The following SLC4A9 variants were observed in gnomAD, a reference collection of about 807,000 sequenced individuals.
SLC4A9 encodes solute carrier family 4 member 9, also known as anion exchange protein 4.
A neutral mutation model predicts 103.2 loss-of-function variants in SLC4A9; 102 were observed. The ratio of observed to expected loss-of-function variants is 0.99; its 90% confidence interval spans 0.84 to 1.17. SLC4A9 has a LOEUF of 1.17. SLC4A9 is among the 50% of genes most tolerant of loss of function. SLC4A9 has a pLI of 0.00. For missense variants in SLC4A9, 1,091 were observed against 1,193.7 expected (o/e 0.91, Z 1.27); for synonymous variants, 453 against 483.6 (o/e 0.94, Z 0.83).
intron 20 of SLC4A9, 108 bp downstream of exon 20, chr5:140,372,505 T>A: frequency 6.6e-7 from 1 of 1,520,446 alleles, no homozygotes; most frequent in Non-Finnish European, 8.8e-7. Context: ...GCAGATCTGA[T>A]CAACAGTCAC....
chr5:140,368,045 A>T (rs776628140), intron 16 of SLC4A9, 147 bp downstream of exon 16: 2 of 801,826 alleles, frequency 2.5e-6, no homozygotes, highest in Non-Finnish European at 4.0e-6. Context: ...CTGGGCTCTG[A>T]GATGGGTGAG....
rs1387346355 is a variant in SLC4A9, at chr5:140,363,549, C to G, written c.1073C>G (p.Thr358Ser). The G allele has an allele frequency of 6.4e-7, 1 of 1,552,432 alleles. No homozygotes were observed. Among genetic ancestry groups the G allele is most frequent in the South Asian group, 1.2e-5 (1 of 84,210 alleles). Residue 358 changes from threonine (T) to serine (S), a missense_variant, in exon 8 of 22, where the codon ACC becomes AGC. Physicochemically the swap from Thr to Ser is moderately conservative, Grantham distance 58 (BLOSUM62 1). Coordinates refer to ENST00000506757, the MANE Select transcript of SLC4A9 (RefSeq NM_031467.3). This position sits in a 1 kb window ranked among gnomAD's most constrained non-coding sequence, Gnocchi z 4.5. ...GCACACAGCCCGGAGTTGCAGCGGACCGGCAGGTGAGGCGAGCTGGGAGGA... is the reference window on the plus strand; with the variant it reads ...GCACACAGCCCGGAGTTGCAGCGGAGCGGCAGGTGAGGCGAGCTGGGAGGA... ...PHAHSPELQR[T>S]GRLFGGLIQD...
rs1767876368 is a variant in SLC4A9 at position 140,366,285 on chromosome 5, T to C, written c.2013+21T>C. 3.2e-6 allele frequency: 5 copies of C among 1,543,262 alleles called. No individual in the cohort carries two copies. The East Asian group carries it at 9.5e-5, about 29-fold the overall frequency. Reference sequence around the variant, plus strand: ...TCAAGGTGAGAGCCAGGGAAGAGGGTTGGGGGACCAGAGGGGAAAGCAGGG... The same window carrying C: ...TCAAGGTGAGAGCCAGGGAAGAGGGCTGGGGGACCAGAGGGGAAAGCAGGG... On this transcript the variant is annotated intron_variant, in intron 14 of 21. Transcript: ENST00000506757.
chr5:140,367,002 G>A (rs1000980817), intron 14 of SLC4A9, among the ~76,000 whole-genome samples: 2 of 152,184 alleles, frequency 1.3e-5, no homozygotes, highest in Non-Finnish European at 2.9e-5. Flanking sequence ...CAACACATAT[G>A]CTTGTAATCA....
chr5:140,367,810 ACT>A lies in SLC4A9; in HGVS notation c.2267_2268del (p.Thr756SerfsTer79). ...ALGLPWYVSA[T>X]VISLAHMDSL... ...TGGACTGCCTTGGTATGTCTCAGCC[ACT>A]GTCATCTCCCTGGCTCACATGGACA... On this transcript the variant is annotated frameshift_variant, in exon 16 of 22. Transcript: ENST00000506757. LOFTEE classifies it high-confidence loss of function. 6.2e-7 allele frequency: 1 copy of A among 1,613,968 alleles called. No individual in the cohort carries two copies. Among genetic ancestry groups the A allele is most frequent in the Non-Finnish European group, 8.5e-7 (1 of 1,179,884 alleles).
At chr5:140,373,580 AG>A (rs1769050000) in intron 21 of SLC4A9, among the ~76,000 whole-genome samples, 1 of 152,088 alleles carries the variant, frequency 6.6e-6, no homozygotes, top group Non-Finnish European at 1.5e-5. Context: ...CATTTCTAAG[AG>A]GAAATGGTCC....
In SLC4A9 at chr5:140,361,267, G is replaced by C; in HGVS notation, c.405G>C (p.Arg135Ser). The change falls in exon 3 of 22, where the codon AGG becomes AGC. Residue 135 changes from arginine to serine, a missense_variant. By Grantham distance (110) the Arg-to-Ser change is moderately radical (BLOSUM62 -1). Coordinates refer to ENST00000506757, the MANE Select transcript of SLC4A9 (RefSeq NM_031467.3). ...TCCATTCTCCAGAGCAGGTGACCAG[G>C]GTGGAGTCGCTGAGCCCAGAGCTGA... ...SLLELVEQVT[R>S]VESLSPELRG... 1 of 1,565,466 alleles carries C rather than the reference G, an allele frequency of 6.4e-7. No homozygotes were observed. The highest frequency in any genetic ancestry group is 8.7e-7 in the Non-Finnish European group (1 of 1,154,822).
At position 140,367,484 on chromosome 5, in the gene SLC4A9, T is replaced by G; in HGVS notation, c.2078T>G (p.Val693Gly). Residue 693 changes from valine (V) to glycine (G), a missense_variant, in exon 15 of 22, where the codon GTG (valine) becomes GGG (glycine). Val to Gly is a moderately radical substitution (Grantham distance 109, BLOSUM62 -3). Transcript: ENST00000506757. ...GGAGCCAACCCCTGGTGGTGGAGTG[T>G]GGCAGCTGCCCTGCCTGCCCTGCTG... ...PFGANPWWWS[V>G]AAALPALLLS... 1.2e-6 allele frequency: 2 copies of G among 1,607,166 alleles called. No individual in the cohort carries two copies. Among genetic ancestry groups the G allele is most frequent in the South Asian group, 2.2e-5 (2 of 89,642 alleles).
At chr5:140,362,723 G>A (rs745523844) in intron 6 of SLC4A9, among the ~76,000 whole-genome samples, 189 bp from the exon 7 acceptor site, 2 of 152,164 alleles carry the variant, frequency 1.3e-5, no homozygotes, top group African/African-American at 4.8e-5. Flanking sequence ...CCCCATTACT[G>A]GATGAGTGCT....
chr5:140,365,174 C>T (rs1767697487), intron 11 of SLC4A9, among the ~76,000 whole-genome samples: 1 of 152,224 alleles, frequency 6.6e-6, no homozygotes, highest in African/African-American at 2.4e-5. Flanking sequence ...GAAGAAGTGG[C>T]CTCTCTATAT....
intron 5 of SLC4A9, 89 bp downstream of exon 5, chr5:140,362,263 T>C: frequency 7.2e-7 from 1 of 1,382,868 alleles, no homozygotes; most frequent in Non-Finnish European, 9.7e-7. Flanking sequence ...AGTCTGATTC[T>C]CTGAGGCTGT....
intron 16 of SLC4A9, 58 bp downstream of exon 16, chr5:140,367,956 G>A (rs760904556): frequency 2.3e-4 from 358 of 1,572,030 alleles, no homozygotes; most frequent in Non-Finnish European, 2.9e-4. Flanking sequence ...AGGCAAAGGG[G>A]AACATGGCAG....
intron 19 of SLC4A9, 77 bp downstream of exon 19, chr5:140,371,701 C>CTGG: frequency 6.6e-7 from 1 of 1,507,232 alleles, no homozygotes; most frequent in Non-Finnish European, 9.1e-7. Flanking sequence ...CCAAGGCCTC[C>CTGG]ACGAGAGGAA....
intron 3 of SLC4A9, 32 bp downstream of exon 3, chr5:140,361,399 A>G: frequency 6.6e-7 from 1 of 1,519,052 alleles, no homozygotes; most frequent in Non-Finnish European, 8.9e-7. Flanking sequence ...CAGGACCAAG[A>G]CCCTGGTGTG....
At chr5:140,366,086 G>A (rs945104863) in intron 13 of SLC4A9, 64 bp downstream of exon 13, 177 of 1,605,048 alleles carry the variant, frequency 1.1e-4, no homozygotes, top group Non-Finnish European at 1.4e-4. Flanking sequence ...TATCTGTGAT[G>A]GGAAGTGGTG....
intron 21 of SLC4A9, among the ~76,000 whole-genome samples, chr5:140,373,734 C>T (rs1033127487): frequency 1.3e-5 from 2 of 152,092 alleles, no homozygotes; most frequent in African/African-American, 4.8e-5. Context: ...GCAATAATCA[C>T]GACTGTGAAT....
intron 17 of SLC4A9, 87 bp from the exon 18 acceptor site, chr5:140,371,008 A>T: frequency 1.7e-6 from 2 of 1,173,578 alleles, no homozygotes; most frequent in Non-Finnish European, 2.5e-6. Flanking sequence ...GCTAGATGCT[A>T]GAGGGATCTA....
chr5:140,362,082 G>A lies in SLC4A9; in HGVS notation c.627G>A (p.Glu209=). The change falls in exon 5 of 22, where the codon GAG becomes GAA. Residue 209 remains glutamate, a synonymous_variant. Transcript: ENST00000506757. ...GAEAGTVLAG[E]LGFLAQPLGA... is the part of the protein sequence containing the mutation. The stretch of plus-strand genomic sequence containing the variant: ...AGGCAGGGACTGTGCTGGCAGGGGA[G>A]CTGGGCTTCCTGGCACAGCCACTGG... The A allele has an allele frequency of 1.9e-6, 3 of 1,584,862 alleles. No homozygotes were observed. In the African/African-American group the frequency reaches 4.1e-5, roughly 22 times the overall value.
At chr5:140,362,241 A>T in intron 5 of SLC4A9, 67 bp downstream of exon 5, 1 of 1,431,986 alleles carries the variant, frequency 7.0e-7, no homozygotes. Flanking sequence ...TGAGGAGGGG[A>T]AGGAGGGTCT....
Sources: allele counts gnomAD v4.1 joint callset (sites outside exome capture counted in the v4.1 genomes callset), GRCh38; gene constraint gnomAD v4.1.1; non-coding constraint Gnocchi (gnomAD v3.1); transcripts MANE v1.5; gene names NCBI Gene and HGNC (gene_info 2026-07-23, HGNC 2026-07-21).